Variants in ADAM32 observed in about 807,000 individuals in gnomAD.
ADAM32 encodes the protein disintegrin and metalloproteinase domain-containing protein 32.
A neutral mutation model predicts 114.9 loss-of-function variants in ADAM32; 89 were observed. That is an observed-to-expected ratio of 0.77 (90% CI 0.65 to 0.92). ADAM32 has a LOEUF of 0.92. Ranked by LOEUF, ADAM32 falls within the 40% of genes least tolerant of loss-of-function variation. The pLI, the probability that ADAM32 is intolerant of heterozygous loss-of-function variation, is 0.00. For missense variants in ADAM32, 870 were observed against 932.8 expected (o/e 0.93, Z 0.88); for synonymous variants, 285 against 307.5 (o/e 0.93, Z 0.77).
intron 14 of ADAM32, among the ~76,000 whole-genome samples, chr8:39,226,424 A>T (rs73606793): frequency 6.6e-6 from 1 of 151,968 alleles, no homozygotes; most frequent in Non-Finnish European, 1.5e-5. Context: ...TCCAAAGAAG[A>T]TTATACCAAG....
intron 11 of ADAM32, among the ~76,000 whole-genome samples, chr8:39,197,191 G>A (rs756186569): frequency 1.6e-4 from 24 of 151,678 alleles, no homozygotes; most frequent in Non-Finnish European, 2.5e-4. Context: ...GTAATGTCTC[G>A]TTATCATTAT....
chr8:39,187,357 T>C (rs1217478245), intron 11 of ADAM32, among the ~76,000 whole-genome samples: 1 of 152,184 alleles, frequency 6.6e-6, no homozygotes, highest in Non-Finnish European at 1.5e-5. Context: ...CTGCAAGCTC[T>C]GCCTCCCGGG....
At chr8:39,223,487 A>G (rs1479706877) in intron 14 of ADAM32, 1 of 209,780 alleles carries the variant, frequency 4.8e-6, no homozygotes, top group Admixed American at 5.7e-5. Context: ...TAATGTTTAT[A>G]TTTTTTCCAT....
intron 6 of ADAM32, chr8:39,157,444 C>G: frequency 3.1e-6 from 1 of 320,600 alleles, no homozygotes; most frequent in Non-Finnish European, 6.0e-6. Context: ...TCCCACAGGT[C>G]TCTTAGGCTC....
Position 39,165,134 on chromosome 8 carries a change from AT to A in ADAM32, c.776del (p.Leu259Ter), listed in dbSNP as rs35542744. ...VGEADELLQK[F>X]LEWKQSYLNL... The stretch of plus-strand genomic sequence containing the variant: ...GTGAGGCAGATGAATTATTGCAAAA[AT>A]TTTTAGAATGGAAACAATCTTATCT... On this transcript the variant is annotated frameshift_variant, in exon 9 of 25. Coordinates refer to ENST00000379907, the MANE Select transcript of ADAM32 (RefSeq NM_145004.7). LOFTEE classifies it high-confidence loss of function. 1 of 1,604,946 alleles carries A rather than the reference AT, an allele frequency of 6.2e-7. No individual in the cohort carries two copies. The highest frequency in any genetic ancestry group is 8.5e-7 in the Non-Finnish European group (1 of 1,173,078).
intron 19 of ADAM32, among the ~76,000 whole-genome samples, chr8:39,267,232 G>A (rs1161264985): frequency 2.0e-5 from 3 of 152,178 alleles, no homozygotes; most frequent in African/African-American, 7.2e-5. Flanking sequence ...AGGCTGTGCT[G>A]GTGGGGAAAG....
intron 10 of ADAM32, 110 bp downstream of exon 10, chr8:39,170,107 T>G (rs1208640535): frequency 5.1e-6 from 4 of 782,970 alleles, no homozygotes; most frequent in Non-Finnish European, 7.6e-6. Flanking sequence ...ACAGATTGCA[T>G]TTTTTTCCAT....
At chr8:39,115,820 A>T (rs1350020382) in intron 1 of ADAM32, among the ~76,000 whole-genome samples, 3 of 152,196 alleles carry the variant, frequency 2.0e-5, no homozygotes, top group Admixed American at 1.3e-4. Flanking sequence ...TTGCCAAGAC[A>T]AAGATGTCTA....
At chr8:39,273,484 G>A (rs895333499) in intron 20 of ADAM32, among the ~76,000 whole-genome samples, 26 of 152,022 alleles carry the variant, frequency 1.7e-4, no homozygotes, top group African/African-American at 5.1e-4. Context: ...ACAAGATCTC[G>A]ACATTGCACT....
intron 3 of ADAM32, among the ~76,000 whole-genome samples, chr8:39,137,681 G>A (rs1372526875): frequency 6.6e-6 from 1 of 151,170 alleles, no homozygotes. Context: ...TGAGGCAGGA[G>A]AATCGCTTGA....
At position 39,136,694 on chromosome 8, in the gene ADAM32, T is replaced by C. The variant is rs762762523; in HGVS notation, c.176T>C (p.Leu59Pro). The part of the protein sequence containing the change: ...ISYIIPIDEK[L>P]YTVHLKQRYF... ...TATATTATTCCAATAGATGAGAAAC[T>C]GTACACTGTGCACCTTAAACAAAGG... Residue 59 changes from leucine to proline, a missense_variant, in exon 3 of 25, where the codon CTG becomes CCG. By Grantham distance (98) the Leu-to-Pro change is moderately conservative (BLOSUM62 -3). Transcript: ENST00000379907. 37 of 1,543,482 alleles carry C rather than the reference T, an allele frequency of 2.4e-5. No homozygotes were observed. The highest frequency in any genetic ancestry group is 1.9e-4 in the African/African-American group (14 of 72,180).
intron 9 of ADAM32, chr8:39,167,336 G>A (rs1004878687): frequency 2.3e-4 from 35 of 152,218 alleles, no homozygotes; most frequent in African/African-American, 8.4e-4. Context: ...TTGCTTTGCT[G>A]AAGATCAGTT....
At position 39,186,983 on chromosome 8, in the gene ADAM32, A is replaced by T; in HGVS notation, c.990A>T (p.Ser330=). 1 of 1,613,302 alleles carries T rather than the reference A, an allele frequency of 6.2e-7. No individual in the cohort carries two copies. The highest frequency in any genetic ancestry group is 8.5e-7 in the Non-Finnish European group (1 of 1,179,448). The part of the protein sequence containing the change: ...TQMLALSLGI[S]YDDPKKCQCS... ...TGCTGGCACTCAGTCTGGGAATATC[A>T]TATGACGACCCAAAGAAATGTCAAT... The change falls in exon 11 of 25, where the codon TCA becomes TCT. Residue 330 remains serine (S), a synonymous_variant. Coordinates refer to ENST00000379907, the MANE Select transcript of ADAM32 (RefSeq NM_145004.7).
chr8:39,180,906 A>T (rs538864727), intron 10 of ADAM32, among the ~76,000 whole-genome samples: 1 of 152,328 alleles, frequency 6.6e-6, no homozygotes, highest in African/African-American at 2.4e-5. Flanking sequence ...GACACTCTGT[A>T]TCTAGCTGCT....
At chr8:39,280,300 G>T (rs1813345163) in intron 22 of ADAM32, among the ~76,000 whole-genome samples, 1 of 152,022 alleles carries the variant, frequency 6.6e-6, no homozygotes. Flanking sequence ...AATGGTAGAA[G>T]GAAAACCCTT....
intron 4 of ADAM32, 30 bp downstream of exon 4, chr8:39,147,235 T>A: frequency 2.3e-6 from 2 of 859,762 alleles, no homozygotes; most frequent in Non-Finnish European, 3.1e-6. Flanking sequence ...TTTTATAGTT[T>A]TTTTTAAATT....
At chr8:39,161,739 G>A (rs1403191535) in intron 7 of ADAM32, among the ~76,000 whole-genome samples, 1 of 152,024 alleles carries the variant, frequency 6.6e-6, no homozygotes, top group African/African-American at 2.4e-5. Flanking sequence ...CAGAGTTAAG[G>A]TCAGGGACCA....
At chr8:39,180,226 C>T (rs902742852) in intron 10 of ADAM32, among the ~76,000 whole-genome samples, 3 of 152,326 alleles carry the variant, frequency 2.0e-5, no homozygotes, top group East Asian at 1.9e-4. Context: ...GCCGGCCCTG[C>T]CGACCCCAGG....
At chr8:39,250,092 G>T (rs940836807) in intron 17 of ADAM32, among the ~76,000 whole-genome samples, 24 of 151,968 alleles carry the variant, frequency 1.6e-4, no homozygotes, top group Non-Finnish European at 2.1e-4. Flanking sequence ...TGTGGTAGGG[G>T]TTGCTTGATC....
Sources: gnomAD v4.1 joint callset for allele counts (sites outside exome capture counted in the v4.1 genomes callset) on GRCh38, gnomAD v4.1.1 for gene constraint, MANE v1.5 for transcripts, NCBI Gene and HGNC (gene_info 2026-07-23, HGNC 2026-07-21) for gene names.